STX18: variants seen among roughly 807,000 people sequenced by gnomAD.
STX18 encodes syntaxin 18, also known as syntaxin-18.
A neutral mutation model predicts 50.1 loss-of-function variants in STX18; 40 were observed. The observed-to-expected ratio is 0.80, with a 90% CI of 0.62 to 1.04. STX18 has a LOEUF of 1.04. STX18 is among the 50% of genes least tolerant of loss of function. The pLI is 0.00. For missense variants in STX18, 410 were observed against 415.8 expected (o/e 0.99, Z 0.12); for synonymous variants, 158 against 151.8 (o/e 1.04, Z -0.30).
intron 5 of STX18, among the ~76,000 whole-genome samples, chr4:4,452,245 C>T (rs775249438): frequency 1.6e-4 from 25 of 152,156 alleles, no homozygotes; most frequent in African/African-American, 2.4e-4. Flanking sequence ...AAAAAGAAGT[C>T]GATTCCATAA....
chr4:4,445,125 C>T (rs755877413), intron 5 of STX18, among the ~76,000 whole-genome samples: 2 of 151,912 alleles, frequency 1.3e-5, no homozygotes, highest in South Asian at 2.1e-4. Flanking sequence ...AAAAAGGTCA[C>T]GTGCAGTGGC....
At chr4:4,471,442 G>A (rs1222803959) in intron 2 of STX18, among the ~76,000 whole-genome samples, 197 bp downstream of exon 2, 3 of 152,218 alleles carry the variant, frequency 2.0e-5, no homozygotes, top group Non-Finnish European at 4.4e-5. Flanking sequence ...AGATATTGCT[G>A]TTGTGATTTC....
chr4:4,468,811 A>G (rs1727755783), intron 2 of STX18, among the ~76,000 whole-genome samples: 1 of 152,040 alleles, frequency 6.6e-6, no homozygotes, highest in African/African-American at 2.4e-5. Flanking sequence ...ATGTCCACAA[A>G]GAGACTTGTA....
chr4:4,421,142 T>A (rs1378513511), intron 9 of STX18, among the ~76,000 whole-genome samples, 198 bp from the exon 10 acceptor site: 3 of 152,116 alleles, frequency 2.0e-5, no homozygotes, highest in African/African-American at 7.2e-5. Context: ...GAAGCGTATA[T>A]CATGACAAGA....
At chr4:4,461,036 C>T (rs1415277896) in intron 2 of STX18, among the ~76,000 whole-genome samples, 2 of 152,190 alleles carry the variant, frequency 1.3e-5, no homozygotes, top group Non-Finnish European at 2.9e-5. Flanking sequence ...AATATGTACC[C>T]TGCAGACAGA....
intron 5 of STX18, among the ~76,000 whole-genome samples, chr4:4,449,042 CTTTTT>C (rs34106688): frequency 1.8e-5 from 2 of 110,168 alleles, no homozygotes; most frequent in South Asian, 2.9e-4. Context: ...GGACCCCATT[CTTTTT>C]TTTTTTTTTT....
intron 6 of STX18, chr4:4,437,489 G>C (rs1725851752): frequency 2.8e-6 from 1 of 357,170 alleles, no homozygotes; most frequent in African/African-American, 2.2e-5. Flanking sequence ...TGCTCAACTG[G>C]TAAGGACAAT....
chr4:4,504,825 A>G (rs1160299913), intron 1 of STX18, among the ~76,000 whole-genome samples: 1 of 152,194 alleles, frequency 6.6e-6, no homozygotes, highest in Non-Finnish European at 1.5e-5. Context: ...AGAATGTGAA[A>G]TAACTAGAAT....
intron 1 of STX18, among the ~76,000 whole-genome samples, chr4:4,475,334 C>T (rs1728123694): frequency 6.6e-6 from 1 of 151,922 alleles, no homozygotes; most frequent in Admixed American, 6.6e-5. Flanking sequence ...TAAATTACAT[C>T]AGTATAATAA....
At chr4:4,422,530 T>C (rs909725064) in intron 9 of STX18, among the ~76,000 whole-genome samples, 5 of 147,536 alleles carry the variant, frequency 3.4e-5, no homozygotes, top group South Asian at 2.1e-4. Context: ...GATAGCAACA[T>C]TGCACTCCAG....
rs1269104515 is a variant in STX18, at chr4:4,418,996, T to A, written c.*1038A>T. 1 of 152,238 alleles carries A rather than the reference T, an allele frequency of 6.6e-6. No homozygotes were observed. The highest frequency in any genetic ancestry group is 2.4e-5 in the African/African-American group (1 of 41,448). 9.4% of individuals were successfully genotyped at this position (152,238 alleles called of 1,614,324 possible). On this transcript the variant is annotated 3_prime_UTR_variant, in exon 11 of 11. Coordinates refer to ENST00000306200, the MANE Select transcript of STX18 (RefSeq NM_016930.4). ...CCAGGTAGACGTGGACTTTATTGAC[T>A]GTGAATTCATTTACATGTAACTTCT...
At chr4:4,455,168 C>T (rs1726999385) in intron 5 of STX18, among the ~76,000 whole-genome samples, 1 of 152,204 alleles carries the variant, frequency 6.6e-6, no homozygotes, top group African/African-American at 2.4e-5. Context: ...CTTGATCGTA[C>T]CATTTCCCCC....
At chr4:4,488,414 C>A (rs1242603709) in intron 1 of STX18, among the ~76,000 whole-genome samples, 1 of 152,216 alleles carries the variant, frequency 6.6e-6, no homozygotes, top group Admixed American at 6.5e-5. Context: ...AGAAAACCGA[C>A]ATATCTCACA....
chr4:4,452,336 A>T (rs1401598066), intron 5 of STX18, among the ~76,000 whole-genome samples: 4 of 152,252 alleles, frequency 2.6e-5, no homozygotes, highest in Non-Finnish European at 5.9e-5. Flanking sequence ...CAGATAATTG[A>T]TCAAAGTGGC....
intron 2 of STX18, among the ~76,000 whole-genome samples, chr4:4,461,032 T>G (rs1727349538): frequency 6.6e-6 from 1 of 152,194 alleles, no homozygotes; most frequent in South Asian, 2.1e-4. Context: ...AGTGAATATG[T>G]ACCCTGCAGA....
At chr4:4,467,699 C>G (rs1258484331) in intron 2 of STX18, among the ~76,000 whole-genome samples, 8 of 119,608 alleles carry the variant, frequency 6.7e-5, no homozygotes, top group African/African-American at 2.6e-4. Flanking sequence ...TATCAGAGTA[C>G]CTAACACAGA....
intron 1 of STX18, among the ~76,000 whole-genome samples, chr4:4,522,611 C>G (rs1294650273): frequency 6.6e-6 from 1 of 152,050 alleles, no homozygotes; most frequent in Admixed American, 6.5e-5. Flanking sequence ...TCACAGAGCA[C>G]TCCAGAACTT....
At chr4:4,466,605 C>T (rs1176748197) in intron 2 of STX18, among the ~76,000 whole-genome samples, 2 of 152,044 alleles carry the variant, frequency 1.3e-5, no homozygotes, top group African/African-American at 2.4e-5. Context: ...CACTCTAGAG[C>T]GGATGGGAGG....
chr4:4,442,525 G>A (rs1038494385), intron 5 of STX18, among the ~76,000 whole-genome samples: 11 of 152,128 alleles, frequency 7.2e-5, no homozygotes, highest in African/African-American at 2.7e-4. Context: ...GCTGAGGTGG[G>A]AGAATTGCTT....
Sources: allele counts gnomAD v4.1 joint callset (sites outside exome capture counted in the v4.1 genomes callset), GRCh38; gene constraint gnomAD v4.1.1; transcripts MANE v1.5; gene names NCBI Gene and HGNC (gene_info 2026-07-23, HGNC 2026-07-21).